ZNF679: variants seen among roughly 807,000 people sequenced by gnomAD.
ZNF679 encodes hypothetical protein MGC42415.
ZNF679 carries 10 observed loss-of-function variants against 13.4 expected under a neutral mutation model. That is an observed-to-expected ratio of 0.75 (90% CI 0.46 to 1.27). The LOEUF (loss-of-function observed/expected upper bound fraction) is 1.27. ZNF679 is among the 50% of genes most tolerant of loss of function. The probability of loss-of-function intolerance (pLI) is 0.00; values close to 1 mark genes in which losing one functional copy is unlikely to be tolerated. For missense variants in ZNF679, 525 were observed against 477.8 expected, an observed-to-expected ratio of 1.10 and a Z score of -0.92; for synonymous variants, 179 against 162.5, an observed-to-expected ratio of 1.10 and a Z score of -0.77.
rs1788141573 is a variant in ZNF679 at position 64,266,049 on chromosome 7, G to A, written c.416G>A (p.Gly139Glu). The change falls in exon 5 of 5, where the codon GGA (glycine) becomes GAA (glutamate). Residue 139 changes from glycine (G) to glutamate (E), a missense_variant. Gly to Glu is a moderately conservative substitution (Grantham distance 98). Coordinates refer to ENST00000421025, the MANE Select transcript of ZNF679 (RefSeq NM_153363.3). ...KSMGECEVQK[G>E]GCNEVNQCLS... ...ATGGGTGAGTGTGAGGTGCAAAAAG[G>A]AGGTTGTAATGAAGTTAACCAATGT... The A allele has an allele frequency of 6.2e-7, 1 of 1,613,366 alleles. No homozygotes were observed. Among genetic ancestry groups the A allele is most frequent in the Non-Finnish European group, 8.5e-7 (1 of 1,179,680 alleles).
chr7:64,232,926 C>T (rs1477726514), intron 1 of ZNF679, among the ~76,000 whole-genome samples: 2 of 152,088 alleles, frequency 1.3e-5, no homozygotes, highest in East Asian at 1.9e-4. Context: ...TCACAATACC[C>T]CTTAAGGGCA....
chr7:64,240,302 G>GA lies in ZNF679; in HGVS notation c.-90-8726_-90-8725insA, dbSNP rs1030794903. Among the ~76,000 whole-genome samples the GA allele has an allele frequency of 4.1e-4, 63 of 152,292 alleles. 1 individual carries two copies. The highest frequency in any genetic ancestry group is 3.9e-3 in the Admixed American group (59 of 15,294). ...CCCAGGTGATATGACTCTTATGTCT[G>GA]GTTCCTGCCCACAGGTGTATTGTGA... On this transcript the variant is annotated intron_variant, in intron 1 of 4. Transcript: ENST00000421025.
intron 1 of ZNF679, among the ~76,000 whole-genome samples, chr7:64,234,138 C>G (rs148499768): frequency 6.6e-6 from 1 of 152,090 alleles, no homozygotes; most frequent in Admixed American, 6.5e-5. Context: ...TAACAGGGAC[C>G]CTTCATGGGG....
intron 2 of ZNF679, 31 bp downstream of exon 2, chr7:64,249,187 G>A: frequency 6.2e-7 from 1 of 1,614,104 alleles, no homozygotes. Context: ...CGTGAGAGAG[G>A]GGTGAGGGCT....
chr7:64,249,997 G>A (rs974736174), intron 2 of ZNF679, among the ~76,000 whole-genome samples: 5 of 151,938 alleles, frequency 3.3e-5, no homozygotes, highest in Middle Eastern at 3.4e-3. Context: ...GCCCGCCACC[G>A]TGCCTGGCTA....
rs186664109 is a variant in ZNF679 at position 64,260,467 on chromosome 7, T to C, written c.166+120T>C. ...TAGCTCTCTGATTTGAAGAAAATCTTGGGGATTCATTGGTGTAGAACAAAT... is the reference window on the plus strand; with the variant it reads ...TAGCTCTCTGATTTGAAGAAAATCTCGGGGATTCATTGGTGTAGAACAAAT... On this transcript the variant is annotated intron_variant, in intron 3 of 4. Transcript: ENST00000421025. 68 of 1,449,336 alleles carry C rather than the reference T, an allele frequency of 4.7e-5. No individual in the cohort carries two copies. In the African/African-American group the frequency reaches 8.9e-4, roughly 19 times the overall value. 89.8% of individuals were successfully genotyped at this position (1,449,336 alleles called of 1,614,324 possible). A position where few individuals can be genotyped will look rare whatever the true frequency, so the allele number is the denominator to read the frequency against.
chr7:64,235,037 C>T (rs1251116991), intron 1 of ZNF679, among the ~76,000 whole-genome samples: 2 of 152,084 alleles, frequency 1.3e-5, no homozygotes, highest in African/African-American at 2.4e-5. Flanking sequence ...AGGGTTTCGC[C>T]ATGTTGGCCA....
rs202239806 is a variant in ZNF679 at position 64,266,602 on chromosome 7, C to T, written c.969C>T (p.Pro323=). 6.2e-7 allele frequency: 1 copy of T among 1,603,566 alleles called. No homozygotes were observed. The highest frequency in any genetic ancestry group is 1.1e-5 in the South Asian group (1 of 90,730). The change falls in exon 5 of 5, where the codon CCC becomes CCT. Residue 323 remains proline, a synonymous_variant. Transcript: ENST00000421025. ...YHKRIHTGEK[P]YTCEECGKAF... The stretch of plus-strand genomic sequence containing the variant: ...AGAGAATTCATACTGGAGAGAAACC[C>T]TACACATGTGAAGAATGTGGCAAAG...
At chr7:64,238,679 T>C (rs889557247) in intron 1 of ZNF679, among the ~76,000 whole-genome samples, 5 of 152,216 alleles carry the variant, frequency 3.3e-5, no homozygotes. Flanking sequence ...TGAGCCACTG[T>C]GCCCAGCCAC....
Position 64,231,723 on chromosome 7 carries a change from A to C in ZNF679, c.-91+3071A>C, listed in dbSNP as rs926288320. Among the ~76,000 whole-genome samples, 5 of 151,806 alleles carry C rather than the reference A, an allele frequency of 3.3e-5. 1 individual carries two copies. The highest frequency in any genetic ancestry group is 4.2e-4 in the South Asian group (2 of 4,788). Reference sequence around the variant, plus strand: ...AGGTGATTGGCCCAGAGATATGTAAAAATTTCTCCTGAAGGCGGGGCCCAG... The same window carrying C: ...AGGTGATTGGCCCAGAGATATGTAACAATTTCTCCTGAAGGCGGGGCCCAG... On this transcript the variant is annotated intron_variant, in intron 1 of 4. Coordinates refer to ENST00000421025, the MANE Select transcript of ZNF679 (RefSeq NM_153363.3).
intron 4 of ZNF679, 121 bp from the exon 5 acceptor site, chr7:64,265,775 C>T: frequency 9.3e-7 from 1 of 1,079,586 alleles, no homozygotes; most frequent in Non-Finnish European, 1.3e-6. Flanking sequence ...GAATTATGGC[C>T]TGTGGTAATT....
intron 2 of ZNF679, among the ~76,000 whole-genome samples, chr7:64,257,892 T>C (rs1788024087): frequency 6.6e-6 from 1 of 152,180 alleles, no homozygotes; most frequent in Non-Finnish European, 1.5e-5. Flanking sequence ...AAAAAGCCCA[T>C]TCCTGGACCC....
intron 4 of ZNF679, among the ~76,000 whole-genome samples, chr7:64,264,483 A>G (rs760782835): frequency 1.3e-4 from 20 of 152,066 alleles, no homozygotes; most frequent in Non-Finnish European, 2.6e-4. Flanking sequence ...ATATTTTCAT[A>G]TGATTATGTA....
intron 2 of ZNF679, among the ~76,000 whole-genome samples, chr7:64,258,342 T>C (rs112578781): frequency 0.17 from 25,766 of 152,000 alleles, 2,736 homozygotes; most frequent in Non-Finnish European, 0.23. Flanking sequence ...TATCTGAAAA[T>C]ACATTTCAGA....
At chr7:64,236,304 T>C (rs911613067) in intron 1 of ZNF679, among the ~76,000 whole-genome samples, 16 of 152,156 alleles carry the variant, frequency 1.1e-4, no homozygotes, top group African/African-American at 2.9e-4. Flanking sequence ...TTAAGTTGAA[T>C]GATTGTCTTA....
chr7:64,248,948 A>G (rs546628495), intron 1 of ZNF679, 80 bp from the exon 2 acceptor site: 10 of 977,634 alleles, frequency 1.0e-5, no homozygotes, highest in African/African-American at 8.2e-5. Context: ...TATATTAGAA[A>G]CTGTACAATC....
intron 2 of ZNF679, among the ~76,000 whole-genome samples, chr7:64,258,090 AAAG>A (rs1344521196): frequency 2.0e-5 from 3 of 150,936 alleles, no homozygotes; most frequent in Non-Finnish European, 4.4e-5. Context: ...CCATTACTGT[AAAG>A]AACATTGCTG....
chr7:64,236,063 A>G lies in ZNF679; in HGVS notation c.-91+7411A>G, dbSNP rs188676243. Among the ~76,000 whole-genome samples, 676 of 151,926 alleles carry G rather than the reference A, an allele frequency of 4.4e-3. 4 individuals carry two copies. Among genetic ancestry groups the G allele is most frequent in the Non-Finnish European group, 7.6e-3 (516 of 67,946 alleles). ...GGGTGGATCATGAGGTCAGGAGTTC[A>G]AGACCAGCCTGACCAACATGGTGAA... On this transcript the variant is annotated intron_variant, in intron 1 of 4. Coordinates refer to ENST00000421025, the MANE Select transcript of ZNF679 (RefSeq NM_153363.3).
At position 64,266,491 on chromosome 7, in the gene ZNF679, C is replaced by T. The variant is rs1788152996; in HGVS notation, c.858C>T (p.His286=). The T allele has an allele frequency of 6.2e-7, 1 of 1,611,900 alleles. No individual in the cohort carries two copies. The highest frequency in any genetic ancestry group is 8.5e-7 in the Non-Finnish European group (1 of 1,179,318). The change falls in exon 5 of 5, where the codon CAC becomes CAT. Residue 286 remains histidine, a synonymous_variant. Coordinates refer to ENST00000421025, the MANE Select transcript of ZNF679 (RefSeq NM_153363.3). The stretch of plus-strand genomic sequence containing the variant: ...GCCGCTCCTCAACACTTGCTAACCA[C>T]AAGAGAATTCATACTGGAGAGAAAC... ...AFSRSSTLAN[H]KRIHTGEKPY...
Sources: allele counts gnomAD v4.1 joint callset (sites outside exome capture counted in the v4.1 genomes callset), GRCh38; gene constraint gnomAD v4.1.1; transcripts MANE v1.5; gene names NCBI Gene and HGNC (gene_info 2026-07-23, HGNC 2026-07-21).